Variants in DLGAP4 observed in about 807,000 individuals in gnomAD.
DLGAP4 encodes the protein DLG associated protein 4, also known as disks large-associated protein 4.
In DLGAP4, 18 loss-of-function variants were observed where a neutral mutation model predicts 86.9. The observed-to-expected ratio is 0.21, with a 90% CI of 0.14 to 0.31. The LOEUF is 0.31. Ranked by LOEUF, DLGAP4 falls within the 10% of genes least tolerant of loss-of-function variation. DLGAP4 has a pLI of 1.00. For missense variants in DLGAP4, 1,085 were observed against 1,362.6 expected (o/e 0.80, Z 3.21); for synonymous variants, 548 against 574.3 (o/e 0.95, Z 0.65).
intron 7 of DLGAP4, among the ~76,000 whole-genome samples, chr20:36,484,613 G>A (rs112907604): frequency 0.029 from 4,482 of 152,362 alleles, 108 homozygotes; most frequent in Non-Finnish European, 0.043. Flanking sequence ...GGCCAAAAGG[G>A]ACTTTCTCTG....
chr20:36,380,661 G>T (rs1392457478), intron 2 of DLGAP4, among the ~76,000 whole-genome samples: 1 of 121,536 alleles, frequency 8.2e-6, no homozygotes, highest in Non-Finnish European at 1.7e-5. Context: ...GAGAGAGAGA[G>T]AGAATCTCAG....
chr20:36,415,608 A>AC (rs1490275558), intron 2 of DLGAP4, among the ~76,000 whole-genome samples: 1 of 152,058 alleles, frequency 6.6e-6, no homozygotes, highest in Non-Finnish European at 1.5e-5. Context: ...TCTCCCAACA[A>AC]CCCTTTGAGG....
intron 2 of DLGAP4, among the ~76,000 whole-genome samples, chr20:36,374,379 C>T (rs2031068411): frequency 6.6e-6 from 1 of 152,170 alleles, no homozygotes; most frequent in Non-Finnish European, 1.5e-5. Context: ...GAGTAGCCAA[C>T]CAGAGTGCTG....
chr20:36,383,568 T>G (rs988165146), intron 2 of DLGAP4, among the ~76,000 whole-genome samples: 6 of 152,026 alleles, frequency 3.9e-5, no homozygotes, highest in African/African-American at 1.4e-4. Context: ...AGATGGGTTT[T>G]CCTAGTCAAG....
chr20:36,356,700 A>G (rs2030341802), intron 1 of DLGAP4, among the ~76,000 whole-genome samples: 1 of 151,998 alleles, frequency 6.6e-6, no homozygotes, highest in Non-Finnish European at 1.5e-5. Context: ...AAAAGTTAGA[A>G]CACGCCACTT....
At chr20:36,341,169 C>T (rs1326617074) in intron 1 of DLGAP4, among the ~76,000 whole-genome samples, 1 of 152,238 alleles carries the variant, frequency 6.6e-6, no homozygotes, top group African/African-American at 2.4e-5. Context: ...GGCTGCTCCC[C>T]ACCTCAGGAC....
rs117665093 is a variant in DLGAP4 at position 36,450,116 on chromosome 20, A to C, written c.1648+3179A>C. 7.6e-3 allele frequency among the ~76,000 whole-genome samples: 1,157 copies of C among 152,356 alleles called. 10 individuals are homozygous for C. The highest frequency in any genetic ancestry group is 0.011 in the Non-Finnish European group (751 of 68,040). On this transcript the variant is annotated intron_variant, in intron 7 of 12. Coordinates refer to ENST00000339266, the MANE Select transcript of DLGAP4 (RefSeq NM_001365621.2). ...CAACACAAGTCATATGACTGAGCTC[A>C]TAGACAAGGGATGGAGAAGTATCTT...
At chr20:36,434,501 G>C (rs1210933759) in intron 3 of DLGAP4, among the ~76,000 whole-genome samples, 1 of 152,180 alleles carries the variant, frequency 6.6e-6, no homozygotes, top group Non-Finnish European at 1.5e-5. Flanking sequence ...TAACAATGCC[G>C]CAGAAACACC....
At chr20:36,367,373 C>G (rs1214126045) in intron 2 of DLGAP4, 98 bp downstream of exon 2, 1 of 152,390 alleles carries the variant, frequency 6.6e-6, no homozygotes, top group Non-Finnish European at 1.5e-5. Context: ...CACCCACATG[C>G]TGGCAGAGGG....
intron 2 of DLGAP4, among the ~76,000 whole-genome samples, chr20:36,429,248 T>C (rs980070685): frequency 3.3e-5 from 5 of 151,696 alleles, no homozygotes; most frequent in Admixed American, 2.0e-4. Context: ...CCAGTAATTT[T>C]TGTATTTTTA....
intron 8 of DLGAP4, chr20:36,498,075 C>T (rs1045175746): frequency 1.3e-5 from 2 of 152,276 alleles, no homozygotes; most frequent in Non-Finnish European, 2.9e-5. Context: ...CTCCTCCAGC[C>T]ACCCCTGAGC....
intron 2 of DLGAP4, among the ~76,000 whole-genome samples, chr20:36,404,208 G>C (rs1276947074): frequency 1.3e-5 from 2 of 152,176 alleles, no homozygotes; most frequent in African/African-American, 4.8e-5. Flanking sequence ...CTAAACCTCA[G>C]TTTCCCCATC....
intron 7 of DLGAP4, among the ~76,000 whole-genome samples, chr20:36,454,382 T>C (rs2033825578): frequency 6.6e-6 from 1 of 152,188 alleles, no homozygotes; most frequent in South Asian, 2.1e-4. Context: ...GCCAGAAATT[T>C]GTCATAATAA....
At chr20:36,311,660 G>A (rs1368068134) in intron 1 of DLGAP4, among the ~76,000 whole-genome samples, 5 of 152,094 alleles carry the variant, frequency 3.3e-5, no homozygotes, top group South Asian at 2.1e-4. Context: ...ACCGATGTCC[G>A]GACTCTCTTT....
rs187287909 is a variant in DLGAP4, at chr20:36,485,751, G to A, written c.1649-10954G>A. Among the ~76,000 whole-genome samples the A allele has an allele frequency of 1.6e-3, 249 of 152,334 alleles. 3 individuals carry two copies. The highest frequency in any genetic ancestry group is 3.1e-3 in the East Asian group (16 of 5,182). On this transcript the variant is annotated intron_variant, in intron 7 of 12. Transcript: ENST00000339266. ...CCCAGAGCTGTGTCAGGATAAAGTA[G>A]CACCTGGCCCAGGCCTCCGTAATGA...
chr20:36,510,543 G>A (rs1394090499), intron 10 of DLGAP4, among the ~76,000 whole-genome samples: 1 of 152,164 alleles, frequency 6.6e-6, no homozygotes, highest in Non-Finnish European at 1.5e-5. Flanking sequence ...GGGATTACAG[G>A]TGAGAGCCAC....
chr20:36,421,671 A>G (rs1326448852), intron 2 of DLGAP4, among the ~76,000 whole-genome samples: 2 of 151,820 alleles, frequency 1.3e-5, no homozygotes, highest in African/African-American at 4.8e-5. Flanking sequence ...GTGAAAGAGG[A>G]GTCAAGGGTA....
At chr20:36,454,904 C>G (rs1202143686) in intron 7 of DLGAP4, among the ~76,000 whole-genome samples, 1 of 152,238 alleles carries the variant, frequency 6.6e-6, no homozygotes, top group Non-Finnish European at 1.5e-5. Flanking sequence ...TCCCTGTTCT[C>G]CCTCCCCCTG....
chr20:36,338,572 C>CAAAA (rs1275693382), intron 1 of DLGAP4, among the ~76,000 whole-genome samples: 3 of 152,092 alleles, frequency 2.0e-5, no homozygotes, highest in Admixed American at 1.3e-4. Context: ...AACTCCATCT[C>CAAAA]AAAACAAACA....
Sources: allele counts gnomAD v4.1 joint callset (sites outside exome capture counted in the v4.1 genomes callset), GRCh38; gene constraint gnomAD v4.1.1; transcripts MANE v1.5; gene names NCBI Gene and HGNC (gene_info 2026-07-23, HGNC 2026-07-21).